MALRD1: variants seen among roughly 807,000 people sequenced by gnomAD.
MALRD1 encodes the protein MAM and LDL-receptor class A domain-containing protein 1.
Under a neutral mutation model 242.1 loss-of-function variants are expected in MALRD1, and 247 were observed. The observed-to-expected ratio is 1.02, with a 90% CI of 0.92 to 1.13. The LOEUF is 1.13. Among genes scored for constraint, MALRD1 ranks in the 50% most tolerant of loss-of-function variants. The probability of loss-of-function intolerance (pLI) is 0.00; values close to 1 mark genes in which losing one functional copy is unlikely to be tolerated. For synonymous variants in MALRD1, 995 were observed against 866.6 expected (o/e 1.15, Z -2.60); for missense variants, 2,989 against 2,533.1 (o/e 1.18, Z -3.86).
intron 36 of MALRD1, among the ~76,000 whole-genome samples, chr10:19,622,178 A>T (rs1281438128): frequency 3.4e-5 from 5 of 145,296 alleles, no homozygotes; most frequent in Non-Finnish European, 6.1e-5. Context: ...AAGAAAAAAA[A>T]ATTATTAAGA....
At chr10:19,343,759 T>G (rs1843987807) in intron 24 of MALRD1, among the ~76,000 whole-genome samples, 1 of 152,270 alleles carries the variant, frequency 6.6e-6, no homozygotes, top group Admixed American at 6.5e-5. Flanking sequence ...CCAGAGCGAT[T>G]GCATCGTGTC....
intron 26 of MALRD1, among the ~76,000 whole-genome samples, chr10:19,386,525 G>A (rs1262615485): frequency 6.6e-6 from 1 of 152,078 alleles, no homozygotes; most frequent in African/African-American, 2.4e-5. Flanking sequence ...ACCCATGACA[G>A]TTAAATTCTG....
Position 19,352,280 on chromosome 10 carries a change from C to G in MALRD1, c.4424C>G (p.Ala1475Gly). 1 of 1,545,790 alleles carries G rather than the reference C, an allele frequency of 6.5e-7. No homozygotes were observed. The highest frequency in any genetic ancestry group is 8.7e-7 in the Non-Finnish European group (1 of 1,145,902). Reference sequence around the variant, plus strand: ...CATGATTCCGTGCAAGAAGAACTGGCAGTGCCTCTTCCAACAGGTACATTC... The same window carrying G: ...CATGATTCCGTGCAAGAAGAACTGGGAGTGCCTCTTCCAACAGGTACATTC... ...SLHDSVQEEL[A>G]VPLPTGFCPL... Residue 1475 changes from alanine to glycine, a missense_variant, in exon 26 of 40, where the codon GCA (alanine) becomes GGA (glycine). Physicochemically the swap from Ala to Gly is moderately conservative, Grantham distance 60 (BLOSUM62 0). Coordinates refer to ENST00000454679, the MANE Select transcript of MALRD1 (RefSeq NM_001142308.3).
At chr10:19,237,686 A>T (rs181230131) in intron 18 of MALRD1, among the ~76,000 whole-genome samples, 4,244 of 119,248 alleles carry the variant, frequency 0.036, 212 homozygotes, top group East Asian at 0.18. Flanking sequence ...TATATAATTT[A>T]TATATAAATA....
At chr10:19,541,043 G>A (rs1054068715) in intron 32 of MALRD1, among the ~76,000 whole-genome samples, 1 of 152,104 alleles carries the variant, frequency 6.6e-6, no homozygotes, top group Admixed American at 6.6e-5. Flanking sequence ...GAAACATCAG[G>A]CCTTTTTATT....
At chr10:19,372,668 A>G (rs538291104) in intron 26 of MALRD1, among the ~76,000 whole-genome samples, 1 of 152,054 alleles carries the variant, frequency 6.6e-6, no homozygotes, top group South Asian at 2.1e-4. Flanking sequence ...GGGTTTCACC[A>G]TGTTGGCCAG....
chr10:19,482,064 C>T (rs1206708747), intron 29 of MALRD1, among the ~76,000 whole-genome samples: 1 of 151,836 alleles, frequency 6.6e-6, no homozygotes, highest in African/African-American at 2.4e-5. Flanking sequence ...TGTAAACACA[C>T]TGTACTTTGT....
intron 31 of MALRD1, among the ~76,000 whole-genome samples, chr10:19,518,546 C>G (rs1308307054): frequency 6.6e-6 from 1 of 152,010 alleles, no homozygotes; most frequent in East Asian, 1.9e-4. Flanking sequence ...AGTGTGATAA[C>G]ATCTCTATAA....
intron 25 of MALRD1, among the ~76,000 whole-genome samples, chr10:19,348,900 C>A (rs182391375): frequency 3.3e-5 from 5 of 152,262 alleles, no homozygotes; most frequent in Admixed American, 3.3e-4. Flanking sequence ...TGTATTCTGA[C>A]TAGAGTGTTC....
intron 33 of MALRD1, among the ~76,000 whole-genome samples, chr10:19,576,587 T>G (rs1453870721): frequency 6.6e-6 from 1 of 152,146 alleles, no homozygotes; most frequent in Non-Finnish European, 1.5e-5. Context: ...CTAAATAAGT[T>G]TCTTATTCTT....
intron 36 of MALRD1, among the ~76,000 whole-genome samples, chr10:19,681,845 T>TG (rs1209068931): frequency 2.9e-5 from 4 of 138,248 alleles, no homozygotes; most frequent in African/African-American, 8.1e-5. Context: ...GGGGTTTTTG[T>TG]GGGGGAATGT....
intron 4 of MALRD1, among the ~76,000 whole-genome samples, chr10:19,102,242 C>A (rs977614448): frequency 6.6e-6 from 1 of 151,034 alleles, no homozygotes; most frequent in African/African-American, 2.4e-5. Context: ...CAGATTCTAG[C>A]CATACTTTTA....
chr10:19,250,729 G>A (rs1839259196), intron 18 of MALRD1, among the ~76,000 whole-genome samples: 1 of 151,832 alleles, frequency 6.6e-6, no homozygotes. Context: ...TATGAGTTGA[G>A]TACTTAGAGA....
chr10:19,414,468 G>A (rs568757383), intron 28 of MALRD1, among the ~76,000 whole-genome samples: 27 of 152,300 alleles, frequency 1.8e-4, no homozygotes, highest in African/African-American at 6.5e-4. Context: ...GGAAACTCAG[G>A]AAGATGATCA....
At chr10:19,411,947 T>C (rs928666456) in intron 28 of MALRD1, among the ~76,000 whole-genome samples, 1 of 152,200 alleles carries the variant, frequency 6.6e-6, no homozygotes, top group African/African-American at 2.4e-5. Context: ...TCACTCATGG[T>C]TTTTCATATC....
chr10:19,318,897 T>C (rs1842810355), intron 21 of MALRD1, among the ~76,000 whole-genome samples: 2 of 151,902 alleles, frequency 1.3e-5, no homozygotes, highest in South Asian at 4.2e-4. Context: ...ATATCAACAT[T>C]TTGGGATATT....
At chr10:19,725,852 G>A (rs12357731) in intron 38 of MALRD1, among the ~76,000 whole-genome samples, 5,957 of 152,242 alleles carry the variant, frequency 0.039, 164 homozygotes, top group Middle Eastern at 0.078. Context: ...GGATCAAATA[G>A]TCTCTTCAGT....
At chr10:19,209,863 C>G (rs967746598) in intron 18 of MALRD1, among the ~76,000 whole-genome samples, 183 bp downstream of exon 18, 2 of 152,232 alleles carry the variant, frequency 1.3e-5, no homozygotes, top group East Asian at 1.9e-4. Context: ...TTGACTACCC[C>G]CAATGATGTA....
chr10:19,066,637 A>C, intron 1 of MALRD1, 82 bp from the exon 2 acceptor site: 1 of 1,068,662 alleles, frequency 9.4e-7, no homozygotes, highest in Non-Finnish European at 1.2e-6. Context: ...ATTTGTTGCT[A>C]AACTTTATTT....
Sources: allele counts gnomAD v4.1 joint callset (sites outside exome capture counted in the v4.1 genomes callset), GRCh38; gene constraint gnomAD v4.1.1; transcripts MANE v1.5; gene names NCBI Gene and HGNC (gene_info 2026-07-23, HGNC 2026-07-21).